The following DNAH11 variants were observed in gnomAD, a reference collection of about 807,000 sequenced individuals.
The protein encoded by DNAH11 is axonemal beta dynein heavy chain 11.
Under a neutral mutation model 526.0 loss-of-function variants are expected in DNAH11, and 442 were observed. That is an observed-to-expected ratio of 0.84 (90% CI 0.78 to 0.91). The LOEUF (loss-of-function observed/expected upper bound fraction) is 0.91, where lower values mean the gene tolerates loss of function less well. Among genes scored for constraint, DNAH11 ranks in the 40% least tolerant of loss-of-function variants. The pLI is 0.00. For synonymous variants in DNAH11, 2,461 were observed against 1,935.9 expected, an observed-to-expected ratio of 1.27 and a Z score of -7.12; for missense variants, 6,989 against 5,448.7, an observed-to-expected ratio of 1.28 and a Z score of -8.90.
intron 35 of DNAH11, among the ~76,000 whole-genome samples, chr7:21,695,817 G>A (rs1030629770): frequency 6.6e-6 from 1 of 152,022 alleles, no homozygotes; most frequent in Non-Finnish European, 1.5e-5. Context: ...CTACAGAATG[G>A]GAGAAAATTT....
intron 8 of DNAH11, among the ~76,000 whole-genome samples, chr7:21,574,384 A>G (rs1233499403): frequency 2.6e-5 from 4 of 152,128 alleles, no homozygotes; most frequent in East Asian, 1.9e-4. Flanking sequence ...GATTTCCCAC[A>G]TTATATACCT....
intron 65 of DNAH11, among the ~76,000 whole-genome samples, chr7:21,825,835 T>G (rs1316122830): frequency 6.6e-6 from 1 of 151,950 alleles, no homozygotes; most frequent in Non-Finnish European, 1.5e-5. Context: ...AGCGGGTGCC[T>G]GTAGTCCCAG....
At chr7:21,609,459 A>G (rs1324957426) in intron 20 of DNAH11, among the ~76,000 whole-genome samples, 5 of 152,154 alleles carry the variant, frequency 3.3e-5, no homozygotes, top group Admixed American at 6.5e-5. Flanking sequence ...ACCTCCAGTG[A>G]TCTGCCTGCC....
intron 74 of DNAH11, 36 bp from the exon 75 acceptor site, chr7:21,880,666 G>A (rs1486419620): frequency 6.2e-7 from 1 of 1,610,220 alleles, no homozygotes; most frequent in Non-Finnish European, 8.5e-7. Context: ...AAACCATACA[G>A]ATGGATAATC....
intron 2 of DNAH11, among the ~76,000 whole-genome samples, chr7:21,553,800 A>G (rs116109633): frequency 1.7e-4 from 26 of 152,188 alleles, no homozygotes; most frequent in African/African-American, 6.3e-4. Flanking sequence ...CAGTGGAACC[A>G]TGAGTTTCAT....
At chr7:21,879,654 TAGG>T (rs1783841330) in intron 74 of DNAH11, among the ~76,000 whole-genome samples, 1 of 152,078 alleles carries the variant, frequency 6.6e-6, no homozygotes, top group African/African-American at 2.4e-5. Context: ...TCAAACAAGA[TAGG>T]AGTTTTTTTC....
chr7:21,547,903 C>T lies in DNAH11; in HGVS notation c.495+2754C>T, dbSNP rs73682615. Among the ~76,000 whole-genome samples the T allele has an allele frequency of 4.7e-3, 711 of 152,220 alleles. 8 individuals are homozygous for T. Among genetic ancestry groups the T allele is most frequent in the African/African-American group, 0.016 (655 of 41,508 alleles). On this transcript the variant is annotated intron_variant, in intron 2 of 81. Transcript: ENST00000409508. The stretch of plus-strand genomic sequence containing the variant: ...TATAGGAGAGCAACTTTAATTTGGT[C>T]TCTAATAGTAGCAGATTATTTTGCT...
intron 4 of DNAH11, among the ~76,000 whole-genome samples, 161 bp downstream of exon 4, chr7:21,559,953 ATTAAT>A (rs1026766035): frequency 2.0e-5 from 3 of 152,198 alleles, no homozygotes; most frequent in African/African-American, 7.2e-5. Flanking sequence ...CACTTTTGAC[ATTAAT>A]TTAAAGTAAC....
intron 2 of DNAH11, among the ~76,000 whole-genome samples, chr7:21,552,432 T>C (rs1783057439): frequency 6.6e-6 from 1 of 152,238 alleles, no homozygotes; most frequent in African/African-American, 2.4e-5. Flanking sequence ...GGGTTTATTC[T>C]TCGCTTCCCT....
chr7:21,880,364 T>A (rs1783872111), intron 74 of DNAH11, among the ~76,000 whole-genome samples: 1 of 152,158 alleles, frequency 6.6e-6, no homozygotes. Flanking sequence ...ATGAAGATGA[T>A]GGCTTTATGT....
At chr7:21,835,549 G>T (rs1050034663) in intron 65 of DNAH11, among the ~76,000 whole-genome samples, 2 of 151,986 alleles carry the variant, frequency 1.3e-5, no homozygotes, top group Non-Finnish European at 2.9e-5. Flanking sequence ...AAACAGCTTC[G>T]ATAAAATTCA....
Position 21,639,000 on chromosome 7 carries a change from C to A in DNAH11, c.4879C>A (p.Arg1627Ser). 6.2e-7 allele frequency: 1 copy of A among 1,613,710 alleles called. No homozygotes were observed. Among genetic ancestry groups the A allele is most frequent in the African/African-American group, 1.3e-5 (1 of 75,048 alleles). ...GGAAACCAAGCGCATAGCCTTTCCT[C>A]GCTTCTATTTCGTCTCTTCTGCTGA... ...YLETKRIAFP[R>S]FYFVSSADLL... Residue 1627 changes from arginine to serine, a missense_variant, in exon 28 of 82, where the codon CGC (arginine) becomes AGC (serine). Physicochemically the swap from Arg to Ser is moderately radical, Grantham distance 110. Coordinates refer to ENST00000409508, the MANE Select transcript of DNAH11 (RefSeq NM_001277115.2).
intron 65 of DNAH11, among the ~76,000 whole-genome samples, chr7:21,828,627 TAACA>T (rs749623431): frequency 1.3e-5 from 2 of 152,144 alleles, no homozygotes; most frequent in Non-Finnish European, 2.9e-5. Flanking sequence ...TCCAATAAAA[TAACA>T]AACAAATGAA....
At position 21,786,758 on chromosome 7, in the gene DNAH11, C is replaced by T; in HGVS notation, c.9732C>T (p.Phe3244=). 3 of 1,613,708 alleles carry T rather than the reference C, an allele frequency of 1.9e-6. No individual in the cohort carries two copies. The South Asian group carries it at 3.3e-5, about 18-fold the overall frequency. The change falls in exon 59 of 82, where the codon TTC becomes TTT. Residue 3244 remains phenylalanine (F), a synonymous_variant. Transcript: ENST00000409508. ...KDRSWKAAKV[F]MGKVDDFLQA... ...GAAGTTGGAAAGCAGCTAAAGTCTT[C>T]ATGGGAAAGGTATCAGCCCAGCCTG...
At chr7:21,660,057 AG>A (rs1036373977) in intron 30 of DNAH11, among the ~76,000 whole-genome samples, 5 of 152,112 alleles carry the variant, frequency 3.3e-5, no homozygotes, top group African/African-American at 7.2e-5. Context: ...TTGAAGTTAC[AG>A]GATTCAATTG....
At chr7:21,646,685 A>C (rs1003074338) in intron 28 of DNAH11, among the ~76,000 whole-genome samples, 17 of 152,276 alleles carry the variant, frequency 1.1e-4, no homozygotes, top group Middle Eastern at 3.4e-3. Context: ...GCTTCTACCA[A>C]CTAGACTTGA....
chr7:21,862,939 C>G (rs2128031496), intron 69 of DNAH11, among the ~76,000 whole-genome samples: 2 of 152,126 alleles, frequency 1.3e-5, no homozygotes, highest in Middle Eastern at 6.8e-3. Context: ...TGGCAGGCAC[C>G]TGTAGTCCCA....
intron 36 of DNAH11, 59 bp downstream of exon 36, chr7:21,698,272 G>A: frequency 6.3e-7 from 1 of 1,591,536 alleles, no homozygotes; most frequent in Non-Finnish European, 8.5e-7. Context: ...AGCTTTTGAA[G>A]TATGGATTTT....
At chr7:21,689,593 A>G (rs530666232) in intron 34 of DNAH11, among the ~76,000 whole-genome samples, 120 of 152,358 alleles carry the variant, frequency 7.9e-4, no homozygotes, top group Non-Finnish European at 1.2e-3. Flanking sequence ...TTCTGTGGCA[A>G]GAGCCACCGC....
Sources: gnomAD v4.1 joint callset for allele counts (sites outside exome capture counted in the v4.1 genomes callset) on GRCh38, gnomAD v4.1.1 for gene constraint, MANE v1.5 for transcripts, NCBI Gene and HGNC (gene_info 2026-07-23, HGNC 2026-07-21) for gene names.